PPP1R16A: variants seen among roughly 807,000 people sequenced by gnomAD.
PPP1R16A encodes protein phosphatase 1 regulatory subunit 16A.
A neutral mutation model predicts 46.6 loss-of-function variants in PPP1R16A; 39 were observed. The observed-to-expected ratio is 0.84, with a 90% CI of 0.65 to 1.09. The LOEUF (loss-of-function observed/expected upper bound fraction) is 1.09. Ranked by LOEUF, PPP1R16A falls within the 50% of genes least tolerant of loss-of-function variation. PPP1R16A has a pLI of 0.00. For synonymous variants in PPP1R16A, 413 were observed against 321.5 expected, an observed-to-expected ratio of 1.28 and a Z score of -3.04; for missense variants, 798 against 735.6, an observed-to-expected ratio of 1.08 and a Z score of -0.98.
chr8:144,485,968 G>A (rs1220037425), intron 1 of PPP1R16A, among the ~76,000 whole-genome samples: 1 of 152,154 alleles, frequency 6.6e-6, no homozygotes, highest in African/African-American at 2.4e-5. Flanking sequence ...GTGATGTCCT[G>A]AGGTCCATCC....
chr8:144,490,505 CAAA>C (rs11337640), intron 2 of PPP1R16A, among the ~76,000 whole-genome samples: 14 of 141,546 alleles, frequency 9.9e-5, no homozygotes, highest in Admixed American at 1.4e-4. Flanking sequence ...GACCCTGTCT[CAAA>C]AAAAAAAAAA....
chr8:144,501,596 G>A lies in PPP1R16A; in HGVS notation c.1280G>A (p.Arg427Gln), dbSNP rs200095776. ...CCAGTGCGGCATCTATACTCCAAGC[G>A]ACTAGACCGGAGTGTCTCCTACCAG... ...GSPVRHLYSK[R>Q]LDRSVSYQLS... Residue 427 changes from arginine to glutamine, a missense_variant, in exon 12 of 12, where the codon CGA becomes CAA. Transcript: ENST00000435887. 10 of 1,606,928 alleles carry A rather than the reference G, an allele frequency of 6.2e-6. No homozygotes were observed. The highest frequency in any genetic ancestry group is 6.8e-6 in the Non-Finnish European group (8 of 1,177,372).
In PPP1R16A at chr8:144,496,481, A is replaced by G. The variant is rs1826073493; in HGVS notation, c.-714A>G. 6.5e-6 allele frequency: 1 copy of G among 152,750 alleles called. No homozygotes were observed. The highest frequency in any genetic ancestry group is 6.5e-5 in the Admixed American group (1 of 15,318). The allele number at this position is 152,750 out of a possible 1,614,324, so 9.5% of individuals were successfully genotyped here. Reference sequence around the variant, plus strand: ...CTCAGGTGTGAGCAGCTGCTGGAAGAGGAGGTGCTCCTGAAGACACTGCGG... The same window carrying G: ...CTCAGGTGTGAGCAGCTGCTGGAAGGGGAGGTGCTCCTGAAGACACTGCGG... On this transcript the variant is annotated 5_prime_UTR_variant, in exon 3 of 12. Coordinates refer to ENST00000435887, the MANE Select transcript of PPP1R16A (RefSeq NM_001329443.2).
chr8:144,495,100 C>T (rs1182216288), intron 2 of PPP1R16A, among the ~76,000 whole-genome samples: 1 of 152,204 alleles, frequency 6.6e-6, no homozygotes, highest in Non-Finnish European at 1.5e-5. Flanking sequence ...AGGCAGAAAG[C>T]CAGGTCAGGG....
At position 144,501,806 on chromosome 8, in the gene PPP1R16A, G is replaced by A. The variant is rs1398480791; in HGVS notation, c.1490G>A (p.Cys497Tyr). The change falls in exon 12 of 12, where the codon TGT becomes TAT. Residue 497 changes from cysteine (C) to tyrosine (Y), a missense_variant. Transcript: ENST00000435887. The part of the protein sequence containing the change: ...PGDTVTPQPD[C>Y]GFRAGGDPPL... ...GACACGGTGACCCCCCAGCCTGACT[G>A]TGGCTTCAGGGCAGGCGGGGACCCA... The A allele has an allele frequency of 4.5e-6, 7 of 1,555,502 alleles. No homozygotes were observed. In the South Asian group the frequency reaches 7.1e-5, roughly 16 times the overall value.
chr8:144,497,300 A>G lies in PPP1R16A; in HGVS notation c.106A>G (p.Met36Val). The G allele has an allele frequency of 1.2e-6, 2 of 1,612,362 alleles. No homozygotes were observed. The highest frequency in any genetic ancestry group is 1.7e-6 in the Non-Finnish European group (2 of 1,179,722). The change falls in exon 3 of 12, where the codon ATG (methionine) becomes GTG (valine). Residue 36 changes from methionine (M) to valine (V), a missense_variant. Coordinates refer to ENST00000435887, the MANE Select transcript of PPP1R16A (RefSeq NM_001329443.2). ...GAAGCGGCGCGCCCAGCAGGTGAAG[A>G]TGTGGGCCCAGGCTGAGAAGGAGGC... ...AQKRRAQQVK[M>V]WAQAEKEAQG...
At chr8:144,478,284 G>C in intron 1 of PPP1R16A, 157 bp downstream of exon 1, 2 of 384,808 alleles carry the variant, frequency 5.2e-6, no homozygotes, top group East Asian at 7.4e-5. Context: ...AGAGGGAGGA[G>C]GCCGGGAAGG....
rs771665689 is a variant in PPP1R16A, at chr8:144,500,701, C to T, written c.847C>T (p.Leu283=). Residue 283 remains leucine, a synonymous_variant, in exon 9 of 12, where the codon CTG becomes TTG. Transcript: ENST00000435887. ...CCGTCCACAGGTGCCCCTGGTGGAG[C>T]TGCTCGTGGCGCACGGGGCCGACCT... ...AYWGQVPLVE[L]LVAHGADLNA... 3.1e-6 allele frequency: 5 copies of T among 1,611,272 alleles called. No individual in the cohort carries two copies. In the African/African-American group the frequency reaches 5.3e-5, roughly 17 times the overall value.
In PPP1R16A at chr8:144,493,212, G is replaced by T. The variant is rs909559410; in HGVS notation, c.-735+3000G>T. On this transcript the variant is annotated intron_variant, in intron 2 of 11. Coordinates refer to ENST00000435887, the MANE Select transcript of PPP1R16A (RefSeq NM_001329443.2). This position sits in a 1 kb window ranked among gnomAD's most constrained non-coding sequence, Gnocchi z 4.3. ...CAGTATCCTCCATGGGGCTCCTCCCGCCTGGGTCCCACACTCAGGCAGCTG... is the reference window on the plus strand; with the variant it reads ...CAGTATCCTCCATGGGGCTCCTCCCTCCTGGGTCCCACACTCAGGCAGCTG... 1.3e-5 allele frequency among the ~76,000 whole-genome samples: 2 copies of T among 152,130 alleles called. No individual in the cohort carries two copies. The highest frequency in any genetic ancestry group is 2.1e-4 in the South Asian group (1 of 4,822).
intron 1 of PPP1R16A, among the ~76,000 whole-genome samples, chr8:144,486,864 T>TTTTTCCG (rs1323527063): frequency 1.3e-5 from 2 of 152,162 alleles, no homozygotes; most frequent in African/African-American, 4.8e-5. Context: ...CAAGGTCCAG[T>TTTTTCCG]TTTTCCGTTT....
At position 144,490,052 on chromosome 8, in the gene PPP1R16A, G is replaced by C. The variant is rs1564761802; in HGVS notation, c.-895G>C. 2.6e-5 allele frequency: 4 copies of C among 152,428 alleles called. 1 individual carries two copies. In the South Asian group the frequency reaches 8.3e-4, roughly 32 times the overall value. The allele number at this position is 152,428 out of a possible 1,614,324, so 9.4% of individuals were successfully genotyped here. ...TTTCCAGGTACTGGCACACGGATGA[G>C]GAGTCGTAGAAGAGGGGCCTGCAGA... On this transcript the variant is annotated 5_prime_UTR_variant, in exon 2 of 12. Coordinates refer to ENST00000435887, the MANE Select transcript of PPP1R16A (RefSeq NM_001329443.2).
At chr8:144,495,768 G>A (rs1586751808) in intron 2 of PPP1R16A, 1 of 152,450 alleles carries the variant, frequency 6.6e-6, no homozygotes, top group East Asian at 1.9e-4. Flanking sequence ...TGAGGCCTGT[G>A]GCCAGCCCAG....
At chr8:144,498,101 AGAG>A (rs757408364) in intron 3 of PPP1R16A, 41 of 456,032 alleles carry the variant, frequency 9.0e-5, no homozygotes, top group East Asian at 5.5e-4. Flanking sequence ...CAGAGAGTAA[AGAG>A]GAGCCGGCAG....
intron 5 of PPP1R16A, chr8:144,499,560 G>C (rs1311014053): frequency 1.1e-5 from 2 of 187,270 alleles, no homozygotes; most frequent in African/African-American, 4.7e-5. Flanking sequence ...GGTCATTCTC[G>C]AGTGCCCCTG....
At position 144,493,197 on chromosome 8, in the gene PPP1R16A, C is replaced by CAT. The variant is rs1190070834; in HGVS notation, c.-735+2986_-735+2987dup. ...GTCGGGGACAGTGCCCAGTATCCTC[C>CAT]ATGGGGCTCCTCCCGCCTGGGTCCC... On this transcript the variant is annotated intron_variant, in intron 2 of 11. Coordinates refer to ENST00000435887, the MANE Select transcript of PPP1R16A (RefSeq NM_001329443.2). The surrounding 1 kb of genome is among the most constrained non-coding windows in gnomAD (Gnocchi z 4.3). Among the ~76,000 whole-genome samples the CAT allele has an allele frequency of 6.6e-6, 1 of 152,140 alleles. No homozygotes were observed. Among genetic ancestry groups the CAT allele is most frequent in the Non-Finnish European group, 1.5e-5 (1 of 68,006 alleles).
chr8:144,479,382 G>A (rs981743986), intron 1 of PPP1R16A, among the ~76,000 whole-genome samples: 4 of 152,170 alleles, frequency 2.6e-5, no homozygotes, highest in Admixed American at 2.6e-4. Flanking sequence ...TGGCTTTAGG[G>A]GGTCCTTCCC....
intron 1 of PPP1R16A, among the ~76,000 whole-genome samples, chr8:144,487,878 T>C (rs1254364660): frequency 6.6e-6 from 1 of 152,234 alleles, no homozygotes; most frequent in African/African-American, 2.4e-5. Flanking sequence ...CTCACACTGT[T>C]GGGGTTTTGA....
Position 144,498,083 on chromosome 8 carries a change from C to T in PPP1R16A, c.259+630C>T, listed in dbSNP as rs772317866. On this transcript the variant is annotated intron_variant, in intron 3 of 11. Transcript: ENST00000435887. ...GCCCTTGAGACTCCTTCCTGCCTCC[C>T]TCCGGAGCAGAGAGTAAAGAGGAGC... 1.1e-5 allele frequency: 5 copies of T among 456,260 alleles called. 1 individual carries two copies. Among genetic ancestry groups the T allele is most frequent in the South Asian group, 3.1e-5 (2 of 64,554 alleles). The allele number at this position is 456,260 out of a possible 1,614,324, so 28.3% of individuals were successfully genotyped here. A position where few individuals can be genotyped will look rare whatever the true frequency, so the allele number is the denominator to read the frequency against.
At chr8:144,492,334 CTTT>C (rs5895821) in intron 2 of PPP1R16A, among the ~76,000 whole-genome samples, 19 of 131,750 alleles carry the variant, frequency 1.4e-4, no homozygotes, top group African/African-American at 3.4e-4. Context: ...AAAAGGTGTA[CTTT>C]TTTTTTTTTT....
Sources: allele counts gnomAD v4.1 joint callset (sites outside exome capture counted in the v4.1 genomes callset), GRCh38; gene constraint gnomAD v4.1.1; non-coding constraint Gnocchi (gnomAD v3.1); transcripts MANE v1.5; gene names NCBI Gene and HGNC (gene_info 2026-07-23, HGNC 2026-07-21).